Variants in PKNOX1 observed in about 807,000 individuals in gnomAD.
The protein encoded by PKNOX1 is PBX/knotted 1 homeobox 1, also known as homeobox protein PKNOX1.
Under a neutral mutation model 51.9 loss-of-function variants are expected in PKNOX1, and 15 were observed. The observed-to-expected ratio is 0.29, with a 90% CI of 0.19 to 0.45. The LOEUF (loss-of-function observed/expected upper bound fraction) is 0.45, where lower values mean the gene tolerates loss of function less well. PKNOX1 is among the 20% of genes least tolerant of loss of function. The pLI, the probability that PKNOX1 is intolerant of heterozygous loss-of-function variation, is 1.00. For synonymous variants in PKNOX1, 219 were observed against 211.1 expected (o/e 1.04, Z -0.32); for missense variants, 462 against 547.5 (o/e 0.84, Z 1.56).
rs1187654411 is a variant in PKNOX1 at position 43,030,274 on chromosome 21, TGTGTGTGTGTGTGTGTGTGC to T, written c.*181_*200del. 1.3e-5 allele frequency: 3 copies of T among 230,416 alleles called. No individual in the cohort carries two copies. Among genetic ancestry groups the T allele is most frequent in the Non-Finnish European group, 2.7e-5 (3 of 110,192 alleles). The allele number at this position is 230,416 out of a possible 1,614,324, so 14.3% of individuals were successfully genotyped here. The stretch of plus-strand genomic sequence containing the variant: ...GACTTCTTTCAAGTGTGTGTGTGTG[TGTGTGTGTGTGTGTGTGTGC>T]GTGTGTGCGTGTGTGTGGATTTTTA... On this transcript the variant is annotated 3_prime_UTR_variant, in exon 11 of 11. Coordinates refer to ENST00000291547, the MANE Select transcript of PKNOX1 (RefSeq NM_004571.5).
chr21:42,974,691 G>A (rs1363811351), intron 1 of PKNOX1, 27 bp downstream of exon 1: 4 of 166,306 alleles, frequency 2.4e-5, no homozygotes, highest in Non-Finnish European at 3.7e-5. Context: ...CCGCTCCGCC[G>A]CCGCCGCCGC....
chr21:42,986,937 G>C (rs2059054960), intron 1 of PKNOX1, among the ~76,000 whole-genome samples: 1 of 152,156 alleles, frequency 6.6e-6, no homozygotes, highest in African/African-American at 2.4e-5. Context: ...GTGGCACTCT[G>C]GGAGTTGGTC....
chr21:43,025,737 G>A (rs1356194628), intron 9 of PKNOX1, among the ~76,000 whole-genome samples: 1 of 152,190 alleles, frequency 6.6e-6, no homozygotes, highest in Non-Finnish European at 1.5e-5. Flanking sequence ...ATGCATAAAA[G>A]AAGAAAGCAC....
chr21:42,986,379 TAATCCCAGC>T (rs2059052695), intron 1 of PKNOX1, among the ~76,000 whole-genome samples: 1 of 152,072 alleles, frequency 6.6e-6, no homozygotes, highest in Non-Finnish European at 1.5e-5. Flanking sequence ...CAGGTGCCTG[TAATCCCAGC>T]TACTGGGGAG....
intron 1 of PKNOX1, among the ~76,000 whole-genome samples, chr21:42,992,354 G>A (rs941404066): frequency 6.6e-6 from 1 of 152,146 alleles, no homozygotes; most frequent in Non-Finnish European, 1.5e-5. Context: ...CCAACCTCTG[G>A]TACATCTGTG....
intron 10 of PKNOX1, among the ~76,000 whole-genome samples, chr21:43,029,424 G>GTTTTTTTTTTTTTTTTTTTTTT (rs138486584): frequency 3.0e-4 from 19 of 63,292 alleles, no homozygotes; most frequent in African/African-American, 4.6e-4. Context: ...TGTTTGCTTT[G>GTTTTTTTTTTTTTTTTTTTTTT]TTTTTTTTTT....
intron 1 of PKNOX1, among the ~76,000 whole-genome samples, chr21:42,999,653 G>C (rs902133731): frequency 6.6e-6 from 1 of 151,838 alleles, no homozygotes; most frequent in Non-Finnish European, 1.5e-5. Flanking sequence ...GCTAATTTTC[G>C]TATTTTTAGT....
chr21:42,993,105 C>A (rs2059096932), intron 1 of PKNOX1, among the ~76,000 whole-genome samples: 1 of 152,078 alleles, frequency 6.6e-6, no homozygotes, highest in African/African-American at 2.4e-5. Context: ...TTCTCTTGTT[C>A]TCAAATGAGT....
intron 1 of PKNOX1, among the ~76,000 whole-genome samples, chr21:42,993,165 G>T (rs1339059583): frequency 6.6e-6 from 1 of 152,148 alleles, no homozygotes; most frequent in South Asian, 2.1e-4. Context: ...CTCGTGTCTC[G>T]ATGGGAGAAA....
At chr21:43,013,957 GAAC>G (rs1486789965) in intron 5 of PKNOX1, among the ~76,000 whole-genome samples, 1 of 150,666 alleles carries the variant, frequency 6.6e-6, no homozygotes, top group Non-Finnish European at 1.5e-5. Context: ...TAATAATGTT[GAAC>G]ATTATTATAC....
At chr21:42,978,479 TTC>T (rs1235863687) in intron 1 of PKNOX1, among the ~76,000 whole-genome samples, 1 of 150,704 alleles carries the variant, frequency 6.6e-6, no homozygotes, top group East Asian at 2.0e-4. Flanking sequence ...TTTTTTTCTT[TTC>T]TTTTCTTTTT....
intron 1 of PKNOX1, among the ~76,000 whole-genome samples, chr21:42,991,897 C>T (rs1601277428): frequency 6.6e-6 from 1 of 152,196 alleles, no homozygotes; most frequent in African/African-American, 2.4e-5. Context: ...TACTGACTTA[C>T]AGCTACTTTT....
chr21:43,018,375 T>C, intron 7 of PKNOX1, 145 bp downstream of exon 7: 1 of 596,374 alleles, frequency 1.7e-6, no homozygotes, highest in Non-Finnish European at 3.0e-6. Context: ...CAGTGTTTTG[T>C]TTCTTTGTAC....
chr21:43,024,732 AC>A (rs1979918334), intron 8 of PKNOX1, 138 bp from the exon 9 acceptor site: 4 of 622,254 alleles, frequency 6.4e-6, no homozygotes, highest in Non-Finnish European at 1.1e-5. Flanking sequence ...TCGTGAGACT[AC>A]AGTTAGGTTT....
intron 7 of PKNOX1, among the ~76,000 whole-genome samples, chr21:43,019,104 T>C (rs547166090): frequency 7.7e-6 from 1 of 130,052 alleles, no homozygotes; most frequent in East Asian, 2.4e-4. Context: ...AAAAAAACAT[T>C]GATTCTGGCC....
intron 5 of PKNOX1, among the ~76,000 whole-genome samples, chr21:43,016,646 C>T (rs1979500658): frequency 6.6e-6 from 1 of 152,192 alleles, no homozygotes; most frequent in African/African-American, 2.4e-5. Flanking sequence ...TGGAATATGG[C>T]AGTGAGATGA....
chr21:42,995,770 C>T (rs1365599933), intron 1 of PKNOX1, among the ~76,000 whole-genome samples: 1 of 152,168 alleles, frequency 6.6e-6, no homozygotes, highest in African/African-American at 2.4e-5. Context: ...GTGTTAGCAT[C>T]CATCGATGAT....
chr21:42,977,536 A>T (rs1300593326), intron 1 of PKNOX1, among the ~76,000 whole-genome samples: 2 of 109,648 alleles, frequency 1.8e-5, no homozygotes, highest in South Asian at 3.2e-4. Flanking sequence ...GCTGCTTCCA[A>T]CTTTTTTTTT....
intron 10 of PKNOX1, among the ~76,000 whole-genome samples, chr21:43,029,420 C>CTTTGTTTTTTTTT (rs1980133636): frequency 1.1e-5 from 1 of 87,504 alleles, no homozygotes; most frequent in Non-Finnish European, 2.2e-5. Flanking sequence ...TATTTGTTTG[C>CTTTGTTTTTTTTT]TTTGTTTTTT....
Sources: gnomAD v4.1 joint callset for allele counts (sites outside exome capture counted in the v4.1 genomes callset) on GRCh38, gnomAD v4.1.1 for gene constraint, MANE v1.5 for transcripts, NCBI Gene and HGNC (gene_info 2026-07-23, HGNC 2026-07-21) for gene names.